The following POLR1C variants were observed in gnomAD, a reference collection of about 807,000 sequenced individuals.
The protein encoded by POLR1C is DNA-directed RNA polymerases I and III subunit RPAC1.
Under a neutral mutation model 38.3 loss-of-function variants are expected in POLR1C, and 42 were observed. The ratio of observed to expected loss-of-function variants is 1.10; its 90% CI spans 0.86 to 1.42. The LOEUF (loss-of-function observed/expected upper bound fraction) is 1.42. Among genes scored for constraint, POLR1C ranks in the 40% most tolerant of loss-of-function variants. POLR1C has a pLI of 0.00. For synonymous variants in POLR1C, 163 were observed against 163.9 expected, an observed-to-expected ratio of 0.99 and a Z score of 0.04; for missense variants, 507 against 450.5, an observed-to-expected ratio of 1.13 and a Z score of -1.14.
exon 11 of POLR1C, chr6:43,562,111 A>G (rs1762448787): frequency 1.7e-6 from 1 of 592,426 alleles, no homozygotes; most frequent in Non-Finnish European, 3.0e-6. Flanking sequence ...AATCTATAGA[A>G]TCATGCAATA....
In POLR1C at chr6:43,521,279, A is replaced by C. The variant is rs1793172216; in HGVS notation, c.1020A>C (p.Leu340=). Residue 340 remains leucine, a synonymous_variant, in exon 9 of 9, where the codon CTA becomes CTC. Transcript: ENST00000642195. Reference sequence around the variant, plus strand: ...AGTGCCGGCGCTTCTTGGATGAACTAGATGCGGTTCAGATGGACTGAGCTT... The same window carrying C: ...AGTGCCGGCGCTTCTTGGATGAACTCGATGCGGTTCAGATGGACTGAGCTT... ...MGKCRRFLDE[L]DAVQMD 1 of 1,612,506 alleles carries C rather than the reference A, an allele frequency of 6.2e-7. No homozygotes were observed. The highest frequency in any genetic ancestry group is 8.5e-7 in the Non-Finnish European group (1 of 1,179,998).
At chr6:43,548,395 T>C (rs1460949265) in intron 9 of POLR1C, 19 of 1,612,354 alleles carry the variant, frequency 1.2e-5, no homozygotes, top group Middle Eastern at 1.7e-4. Context: ...ACTTCTCCAT[T>C]TGTGTCAGGA....
intron 10 of POLR1C, chr6:43,560,094 T>A: frequency 6.7e-7 from 1 of 1,483,900 alleles, no homozygotes; most frequent in Non-Finnish European, 9.1e-7. Context: ...GCTGGGATTA[T>A]AGGCGTGAGC....
At chr6:43,528,755 G>T in intron 8 of POLR1C, 2 of 1,424,040 alleles carry the variant, frequency 1.4e-6, no homozygotes, top group South Asian at 2.4e-5. Context: ...AGGAGCTCCT[G>T]ACTTGCAAAG....
At chr6:43,526,085 T>C, downstream of POLR1C, 1 of 651,210 alleles carries the variant, frequency 1.5e-6, no homozygotes, top group Non-Finnish European at 2.6e-6. Context: ...CCCATGCCCA[T>C]GGCTGATCTT....
chr6:43,546,151 A>ACTC (rs1038394343), intron 9 of POLR1C, among the ~76,000 whole-genome samples: 124 of 152,234 alleles, frequency 8.1e-4, no homozygotes, highest in African/African-American at 2.7e-3. Context: ...CTGAGCTCAG[A>ACTC]CTCAGTATTG....
At chr6:43,526,667 TCTCACAGG>T (rs1793613421) in intron 8 of POLR1C, 3 of 1,613,462 alleles carry the variant, frequency 1.9e-6, no homozygotes, top group Admixed American at 1.7e-5. Flanking sequence ...AACTCCAAGG[TCTCACAGG>T]CTCACTTACC....
chr6:43,561,892 G>A (rs1762435144), exon 11 of POLR1C: 1 of 166,604 alleles, frequency 6.0e-6, no homozygotes, highest in Admixed American at 6.3e-5. Flanking sequence ...ATTGGGAAAA[G>A]AGTTCTTTAT....
chr6:43,518,035 A>T (rs76861565), intron 2 of POLR1C, among the ~76,000 whole-genome samples: 1 of 152,334 alleles, frequency 6.6e-6, no homozygotes, highest in African/African-American at 2.4e-5. Flanking sequence ...TTGAAAAAAA[A>T]TTATGGCTTG....
At chr6:43,546,477 C>A (rs1454909461) in intron 9 of POLR1C, 3 of 1,245,080 alleles carry the variant, frequency 2.4e-6, no homozygotes, top group Admixed American at 3.2e-5. Context: ...CTCATTAATA[C>A]CACTAAGATA....
intron 10 of POLR1C, chr6:43,558,480 TC>T: frequency 6.4e-7 from 1 of 1,572,674 alleles, no homozygotes; most frequent in Non-Finnish European, 8.6e-7. Context: ...TTGAGAGAAA[TC>T]CAAGGCCAAC....
intron 9 of POLR1C, chr6:43,549,705 T>C: frequency 7.2e-6 from 9 of 1,254,082 alleles, no homozygotes; most frequent in South Asian, 1.5e-5. Flanking sequence ...AAGAGTATAA[T>C]GGAGTAACAT....
chr6:43,536,288 G>A (rs148975974), intron 9 of POLR1C, among the ~76,000 whole-genome samples: 1,940 of 151,830 alleles, frequency 0.013, 42 homozygotes, highest in African/African-American at 0.044. Context: ...GGTGGTGCAT[G>A]CCTATAATCC....
downstream of POLR1C, chr6:43,530,551 T>C (rs1561865987): frequency 6.7e-6 from 7 of 1,037,814 alleles, no homozygotes; most frequent in Non-Finnish European, 9.3e-6. Context: ...GTGTTTTTAA[T>C]GACATGATAC....
At chr6:43,519,200 A>G in intron 2 of POLR1C, 133 bp from the exon 3 acceptor site, 5 of 706,822 alleles carry the variant, frequency 7.1e-6, no homozygotes, top group Admixed American at 4.0e-5. Flanking sequence ...AGAATATTTA[A>G]TAAGAGACAT....
chr6:43,531,412 C>T (rs1265494083), downstream of POLR1C: 2 of 1,455,462 alleles, frequency 1.4e-6, no homozygotes, highest in African/African-American at 1.4e-5. Context: ...AAAAGTCCAA[C>T]CCATGGACAT....
At chr6:43,519,593 A>T in intron 3 of POLR1C, 113 bp from the exon 4 acceptor site, 1 of 1,521,300 alleles carries the variant, frequency 6.6e-7, no homozygotes, top group Non-Finnish European at 9.1e-7. Flanking sequence ...TAAATTTCTC[A>T]TTAAACATTC....
downstream of POLR1C, chr6:43,525,254 G>A (rs772398943): frequency 7.2e-6 from 11 of 1,535,736 alleles, no homozygotes; most frequent in Non-Finnish European, 9.7e-6. Context: ...GGAAAAAGAA[G>A]CACAGTTTTC....
downstream of POLR1C, among the ~76,000 whole-genome samples, chr6:43,529,791 C>T (rs528093708): frequency 4.6e-5 from 7 of 151,180 alleles, no homozygotes; most frequent in South Asian, 2.1e-4. Flanking sequence ...TGTGGTGGTG[C>T]GCATCTGTGG....
Sources: allele counts gnomAD v4.1 joint callset (sites outside exome capture counted in the v4.1 genomes callset), GRCh38; gene constraint gnomAD v4.1.1; transcripts MANE v1.5; gene names NCBI Gene and HGNC (gene_info 2026-07-23, HGNC 2026-07-21).